Variants in FMO5 observed in about 807,000 individuals in gnomAD.
FMO5 encodes flavin-containing monooxygenase 5.
Under a neutral mutation model 43.6 loss-of-function variants are expected in FMO5, and 51 were observed. The ratio of observed to expected loss-of-function variants is 1.17; its 90% CI spans 0.93 to 1.48. FMO5 has a LOEUF of 1.48. Among genes scored for constraint, FMO5 ranks in the 40% most tolerant of loss-of-function variants. The probability of loss-of-function intolerance (pLI) is 0.00; values close to 1 mark genes in which losing one functional copy is unlikely to be tolerated. For synonymous variants in FMO5, 187 were observed against 216.5 expected (o/e 0.86, Z 1.20); for missense variants, 644 against 643.0 (o/e 1.00, Z -0.02).
At chr1:147,189,514 C>T (rs1553917963) in intron 8 of FMO5, among the ~76,000 whole-genome samples, 3 of 152,126 alleles carry the variant, frequency 2.0e-5, no homozygotes, top group African/African-American at 4.8e-5. Flanking sequence ...CCTCTTTAGG[C>T]CTGGAATGAT....
At position 147,218,651 on chromosome 1, in the gene FMO5, T is replaced by G. The variant is rs138443150; in HGVS notation, c.136-2709A>C. ...CTTGATTCCATATGGAAAACAAAAT[T>G]CCTTATTTTGAAATTTAGCACATTT... On this transcript the variant is annotated intron_variant, in intron 2 of 8. Coordinates refer to ENST00000254090, the MANE Select transcript of FMO5 (RefSeq NM_001461.4). 7.5e-3 allele frequency among the ~76,000 whole-genome samples: 1,139 copies of G among 152,306 alleles called. 2 individuals are homozygous for G. The highest frequency in any genetic ancestry group is 0.011 in the Non-Finnish European group (775 of 68,022).
rs587728762 is a variant in FMO5, at chr1:147,203,387, C to T, written c.831-1883G>A. ...CTAAGTACAGTGACTGCAGCATTAG[C>T]AGCGAGTTTGATAGACCAGTGTTTT... On this transcript the variant is annotated intron_variant, in intron 6 of 8. Transcript: ENST00000254090. 30 of 1,056,354 alleles carry T rather than the reference C, an allele frequency of 2.8e-5. No homozygotes were observed. In the African/African-American group the frequency reaches 3.7e-4, roughly 13 times the overall value. The allele number at this position is 1,056,354 out of a possible 1,614,324, so 65.4% of individuals were successfully genotyped here.
intron 6 of FMO5, chr1:147,204,106 C>A: frequency 9.5e-7 from 1 of 1,055,694 alleles, no homozygotes; most frequent in Middle Eastern, 2.0e-4. Context: ...CTTATGCATC[C>A]ATGAGATTTT....
At chr1:147,227,280 A>C (rs181641869), upstream of FMO5, among the ~76,000 whole-genome samples, 2 of 152,264 alleles carry the variant, frequency 1.3e-5, no homozygotes, top group Non-Finnish European at 2.9e-5. Context: ...AAAATGAATT[A>C]CTTGTAAATT....
upstream of FMO5, among the ~76,000 whole-genome samples, chr1:147,226,572 G>C (rs1407927342): frequency 2.6e-5 from 4 of 152,168 alleles, no homozygotes; most frequent in Non-Finnish European, 5.9e-5. Flanking sequence ...TCAGGCACTG[G>C]GTTAGAACAA....
intron 5 of FMO5, chr1:147,210,123 G>T (rs587722730): frequency 1.3e-5 from 2 of 152,336 alleles, no homozygotes; most frequent in Admixed American, 1.3e-4. Flanking sequence ...TAGATGAGGG[G>T]CATGGAAAGG....
At chr1:147,226,523 A>C (rs375971239), upstream of FMO5, among the ~76,000 whole-genome samples, 3 of 152,216 alleles carry the variant, frequency 2.0e-5, no homozygotes, top group South Asian at 6.2e-4. Flanking sequence ...TTTCAAATAT[A>C]AAGTCATGTA....
chr1:147,215,100 G>C (rs1661766604), intron 3 of FMO5: 1 of 152,132 alleles, frequency 6.6e-6, no homozygotes, highest in Non-Finnish European at 1.5e-5. Flanking sequence ...TTATAGAAAA[G>C]TCCTAGAATA....
chr1:147,190,914 A>G lies in FMO5; in HGVS notation c.1184-665T>C, dbSNP rs782168118. 1.2e-3 allele frequency among the ~76,000 whole-genome samples: 177 copies of G among 151,872 alleles called. 1 individual carries two copies. Among genetic ancestry groups the G allele is most frequent in the Non-Finnish European group, 1.4e-3 (96 of 67,978 alleles). ...TGTTCTGATTGTTCAATTCCCACCT[A>G]TGAGTGAGAACATGCGGTGTTTGGT... On this transcript the variant is annotated intron_variant, in intron 7 of 8. Coordinates refer to ENST00000254090, the MANE Select transcript of FMO5 (RefSeq NM_001461.4).
chr1:147,202,847 C>T (rs1317544731), intron 6 of FMO5, among the ~76,000 whole-genome samples: 4 of 152,150 alleles, frequency 2.6e-5, no homozygotes, highest in African/African-American at 9.7e-5. Flanking sequence ...AGTTGCCCAA[C>T]CCACAAAACC....
rs2289576 is a variant in FMO5 at position 147,190,092 on chromosome 1, G to C, written c.1256+85C>G. On this transcript the variant is annotated intron_variant, in intron 8 of 8. Transcript: ENST00000254090. Reference sequence around the variant, plus strand: ...AGAATCTAAATCCTTAAGCTAACATGAGGCAGTTAAATACAGTACAATATT... The same window carrying C: ...AGAATCTAAATCCTTAAGCTAACATCAGGCAGTTAAATACAGTACAATATT... 4,030 of 844,702 alleles carry C rather than the reference G, an allele frequency of 4.8e-3. 188 individuals carry two copies. In the East Asian group the frequency reaches 0.099, roughly 21 times the overall value. The allele number at this position is 844,702 out of a possible 1,614,324, so 52.3% of individuals were successfully genotyped here. A position where few individuals can be genotyped will look rare whatever the true frequency, so the allele number is the denominator to read the frequency against.
At chr1:147,186,203 A>G (rs1314465085), downstream of FMO5, 2 of 486,364 alleles carry the variant, frequency 4.1e-6, no homozygotes, top group South Asian at 8.9e-5. Flanking sequence ...AAAATTCTCA[A>G]CCAAGTTGAT....
At chr1:147,197,354 G>T (rs1049307630) in intron 7 of FMO5, among the ~76,000 whole-genome samples, 12 of 152,224 alleles carry the variant, frequency 7.9e-5, no homozygotes, top group Admixed American at 7.8e-4. Flanking sequence ...ACTTGTTTAG[G>T]ATATAGTTAA....
In FMO5 at chr1:147,208,146, G is replaced by T. The variant is rs587686585; in HGVS notation, c.830+706C>A. On this transcript the variant is annotated intron_variant, in intron 6 of 8. Transcript: ENST00000254090. ...TCTTATAGAAAGTCCTCAGAAAGGT[G>T]AGTGTTATTTCTATTACTATTACTA... 4.7e-4 allele frequency among the ~76,000 whole-genome samples: 67 copies of T among 141,338 alleles called. 1 individual carries two copies. The highest frequency in any genetic ancestry group is 1.8e-3 in the African/African-American group (65 of 36,664). The allele number at this position is 141,338 out of a possible 152,430, so 92.7% of individuals were successfully genotyped here. A position where few individuals can be genotyped will look rare whatever the true frequency, so the allele number is the denominator to read the frequency against.
chr1:147,186,932 C>T lies in FMO5; in HGVS notation c.1570G>A (p.Ala524Thr). ...MTIGKFMLALAFFAIIIAYF is the reference protein window; with the variant it reads ...MTIGKFMLALTFFAIIIAYF ...TAAGCTATAATTATAGCAAAGAAGG[C>T]AAGAGCTAGCATAAACTTGCCTATT... Residue 524 changes from alanine to threonine, a missense_variant, in exon 9 of 9, where the codon GCC becomes ACC. Physicochemically the swap from Ala to Thr is moderately conservative, Grantham distance 58. Coordinates refer to ENST00000254090, the MANE Select transcript of FMO5 (RefSeq NM_001461.4). 3 of 1,613,946 alleles carry T rather than the reference C, an allele frequency of 1.9e-6. No individual in the cohort carries two copies. The highest frequency in any genetic ancestry group is 2.5e-6 in the Non-Finnish European group (3 of 1,179,914).
intron 6 of FMO5, chr1:147,203,648 GTC>G (rs1439284347): frequency 7.3e-6 from 10 of 1,366,550 alleles, no homozygotes; most frequent in Non-Finnish European, 1.0e-5. Flanking sequence ...TCCAGGACAT[GTC>G]TCTCCATATG....
chr1:147,202,615 G>A (rs1427911748), intron 6 of FMO5, among the ~76,000 whole-genome samples: 1 of 152,060 alleles, frequency 6.6e-6, no homozygotes, highest in African/African-American at 2.4e-5. Context: ...ACAGCACCTG[G>A]CCTAAAAAGT....
intron 5 of FMO5, chr1:147,209,622 T>C (rs1158400580): frequency 6.6e-6 from 1 of 152,426 alleles, no homozygotes; most frequent in Non-Finnish European, 1.5e-5. Flanking sequence ...TTCTGTTTAG[T>C]GCTATTATGC....
chr1:147,206,899 G>A (rs150705047), intron 6 of FMO5, among the ~76,000 whole-genome samples: 5,604 of 151,748 alleles, frequency 0.037, 147 homozygotes, highest in South Asian at 0.096. Context: ...AAACCTGCAC[G>A]TTGTGCACAT....
Sources: allele counts gnomAD v4.1 joint callset (sites outside exome capture counted in the v4.1 genomes callset), GRCh38; gene constraint gnomAD v4.1.1; transcripts MANE v1.5; gene names NCBI Gene and HGNC (gene_info 2026-07-23, HGNC 2026-07-21).